CPLANE1: variants seen among roughly 807,000 people sequenced by gnomAD.
CPLANE1 encodes ciliogenesis and planar polarity effector complex subunit 1.
Under a neutral mutation model 362.5 loss-of-function variants are expected in CPLANE1, and 263 were observed. The observed-to-expected ratio is 0.73, with a 90% CI of 0.66 to 0.80. CPLANE1 has a LOEUF of 0.80. CPLANE1 is among the 30% of genes least tolerant of loss of function. The probability of loss-of-function intolerance (pLI) is 0.00; values close to 1 mark genes in which losing one functional copy is unlikely to be tolerated. For synonymous variants in CPLANE1, 1,212 were observed against 1,302.6 expected (o/e 0.93, Z 1.50); for missense variants, 3,461 against 3,793.4 (o/e 0.91, Z 2.30).
In CPLANE1 at chr5:37,121,700, T is replaced by G; in HGVS notation, c.9102A>C (p.Leu3034=). The change falls in exon 49 of 53, where the codon CTA becomes CTC. Residue 3034 remains leucine (L), a synonymous_variant. Transcript: ENST00000651892. Reference sequence around the variant, plus strand: ...GCAATGGTTTCTGTGGTAGAGTTGGTAGCTGTACTGACTCAGATAACAGTT... The same window carrying G: ...GCAATGGTTTCTGTGGTAGAGTTGGGAGCTGTACTGACTCAGATAACAGTT... ...MNELLSESVQ[L]PTLPQKPLPN... The G allele has an allele frequency of 6.2e-7, 1 of 1,613,968 alleles. No homozygotes were observed. Among genetic ancestry groups the G allele is most frequent in the Non-Finnish European group, 8.5e-7 (1 of 1,179,782 alleles).
intron 9 of CPLANE1, 74 bp downstream of exon 9, chr5:37,230,793 T>C (rs1291845890): frequency 1.9e-6 from 2 of 1,054,684 alleles, no homozygotes; most frequent in Non-Finnish European, 2.5e-6. Flanking sequence ...GAAATTTTTT[T>C]TGAATACACA....
In CPLANE1 at chr5:37,224,531, C is replaced by T. The variant is rs1796033726; in HGVS notation, c.2500+1G>A. The T allele has an allele frequency of 1.3e-6, 2 of 1,536,100 alleles. No individual in the cohort carries two copies. The highest frequency in any genetic ancestry group is 1.4e-5 in the African/African-American group (1 of 72,684). On this transcript the variant is annotated splice_donor_variant, in intron 13 of 52. Transcript: ENST00000651892. LOFTEE classifies it high-confidence loss of function. ...TTAGAAAATATTCATAAGATACTGA[C>T]CATTGATAGATTTAAGTTCTAAGGT...
chr5:37,125,755 G>T (rs965518805), intron 46 of CPLANE1, among the ~76,000 whole-genome samples: 1 of 151,962 alleles, frequency 6.6e-6, no homozygotes, highest in Non-Finnish European at 1.5e-5. Flanking sequence ...TATCTTAAAG[G>T]TTCTCCTTTT....
chr5:37,180,386 T>C (rs1290418960), intron 27 of CPLANE1, among the ~76,000 whole-genome samples: 1 of 152,088 alleles, frequency 6.6e-6, no homozygotes, highest in Non-Finnish European at 1.5e-5. Context: ...CTTTAAAAAA[T>C]TCTGATACAC....
At chr5:37,108,141 T>A in intron 52 of CPLANE1, 152 bp downstream of exon 52, 1 of 717,570 alleles carries the variant, frequency 1.4e-6, no homozygotes, top group Non-Finnish European at 2.3e-6. Flanking sequence ...AAAGGGAAGA[T>A]GCTTTGCATC....
At chr5:37,093,309 G>A in the CPLANE1 span, among the ~76,000 whole-genome samples, 2 of 152,170 alleles carry the variant, frequency 1.3e-5, no homozygotes, top group Non-Finnish European at 2.9e-5. Flanking sequence ...TTTAAAATAT[G>A]TGGGGGAGCC....
At position 37,180,106 on chromosome 5, in the gene CPLANE1, T is replaced by G; in HGVS notation, c.5648A>C (p.Lys1883Thr). Residue 1883 changes from lysine (K) to threonine (T), a missense_variant, in exon 28 of 53, where the codon AAA becomes ACA. Coordinates refer to ENST00000651892, the MANE Select transcript of CPLANE1 (RefSeq NM_001384732.1). ...DDIISITHNTKKEFIDIDENL... is the reference protein window; with the variant it reads ...DDIISITHNTTKEFIDIDENL... ...CTCATCAATATCTATAAATTCTTTT[T>G]TAGTATTATGAGTGATGGAAATAAT... The G allele has an allele frequency of 6.4e-7, 1 of 1,565,182 alleles. No individual in the cohort carries two copies. Among genetic ancestry groups the G allele is most frequent in the Non-Finnish European group, 8.7e-7 (1 of 1,153,712 alleles).
At chr5:37,177,025 T>C (rs1781367687) in intron 30 of CPLANE1, among the ~76,000 whole-genome samples, 1 of 152,186 alleles carries the variant, frequency 6.6e-6, no homozygotes, top group Non-Finnish European at 1.5e-5. Context: ...CCTAGAGTGC[T>C]GGGATTACAG....
chr5:37,245,771 CTTCT>C lies in CPLANE1; in HGVS notation c.152_155del (p.Lys51ArgfsTer10). The C allele has an allele frequency of 6.5e-7, 1 of 1,536,504 alleles. No homozygotes were observed. The highest frequency in any genetic ancestry group is 8.8e-7 in the Non-Finnish European group (1 of 1,142,266). Reference sequence around the variant, plus strand: ...AGAAAGGCTGCAGACTAGGAATTTTCTTCTTTATCTTTCCTGATAGCAAATTAAT... The same window carrying C: ...AGAAAGGCTGCAGACTAGGAATTTTCTTATCTTTCCTGATAGCAAATTAAT... On this transcript the variant is annotated frameshift_variant, in exon 3 of 53. Transcript: ENST00000651892.
chr5:37,248,299 T>C (rs1172392962), intron 1 of CPLANE1, among the ~76,000 whole-genome samples: 1 of 149,358 alleles, frequency 6.7e-6, no homozygotes, highest in Non-Finnish European at 1.5e-5. Flanking sequence ...GACTAATTTT[T>C]TTGTATTTTT....
chr5:37,154,459 CTTTTTT>C (rs35522666), intron 41 of CPLANE1, among the ~76,000 whole-genome samples: 1,214 of 84,598 alleles, frequency 0.014, 69 homozygotes, highest in African/African-American at 0.066. Context: ...TGCAATAGTT[CTTTTTT>C]TTTTTTTTTT....
chr5:37,234,244 T>G (rs1161742715), intron 8 of CPLANE1, among the ~76,000 whole-genome samples: 1 of 151,814 alleles, frequency 6.6e-6, no homozygotes, highest in South Asian at 2.1e-4. Flanking sequence ...CAATCAAAAA[T>G]AATTCCCCCA....
intron 37 of CPLANE1, among the ~76,000 whole-genome samples, chr5:37,163,141 T>C (rs1777312341): frequency 6.6e-6 from 1 of 152,180 alleles, no homozygotes; most frequent in Admixed American, 6.5e-5. Flanking sequence ...AGAAATGATA[T>C]GGTCAGATTC....
chr5:37,173,962 T>A lies in CPLANE1; in HGVS notation c.5979-15A>T, dbSNP rs1231373846. ...AAATCTGTGCACTGCGTGGAAAGCATTTAAATAAAAAACATGCATTAAAAT... is the reference window on the plus strand; with the variant it reads ...AAATCTGTGCACTGCGTGGAAAGCAATTAAATAAAAAACATGCATTAAAAT... On this transcript the variant is annotated splice_polypyrimidine_tract_variant and intron_variant, in intron 31 of 52. Transcript: ENST00000651892. 2 of 1,596,854 alleles carry A rather than the reference T, an allele frequency of 1.3e-6. No homozygotes were observed. Among genetic ancestry groups the A allele is most frequent in the Admixed American group, 1.7e-5 (1 of 57,810 alleles).
intron 24 of CPLANE1, among the ~76,000 whole-genome samples, chr5:37,186,027 C>G (rs1284888863): frequency 6.6e-6 from 1 of 152,152 alleles, no homozygotes; most frequent in Admixed American, 6.6e-5. Flanking sequence ...ATATGAGGCT[C>G]AGAGAGACTG....
chr5:37,221,804 AC>A (rs1392451087), intron 14 of CPLANE1, among the ~76,000 whole-genome samples: 5 of 151,878 alleles, frequency 3.3e-5, no homozygotes, highest in Non-Finnish European at 7.4e-5. Context: ...TTTTTAGCAT[AC>A]TTTGCTCTTT....
rs775652771 is a variant in CPLANE1 at position 37,224,717 on chromosome 5, A to C, written c.2315T>G (p.Leu772Arg). ...TTGATACCATAAAGTTTTTTTGTAC[A>C]GTATTCTCCAGAGAATAAGCAATCT... ...GHRLLILWRI[L>R]YKKTLWYQAQ... The change falls in exon 13 of 53, where the codon CTG becomes CGG. Residue 772 changes from leucine (L) to arginine (R), a missense_variant. Leu to Arg is a moderately radical substitution (Grantham distance 102). This residue lies in a region of CPLANE1 where 3,380 missense variants were observed against 3,666.1 expected (regional missense o/e 0.92). Transcript: ENST00000651892. The C allele has an allele frequency of 7.7e-6, 12 of 1,550,562 alleles. No individual in the cohort carries two copies. The highest frequency in any genetic ancestry group is 1.0e-5 in the Non-Finnish European group (12 of 1,146,346).
intron 15 of CPLANE1, among the ~76,000 whole-genome samples, chr5:37,214,607 A>G (rs964697285): frequency 2.0e-5 from 3 of 152,240 alleles, no homozygotes; most frequent in African/African-American, 7.2e-5. Context: ...TGTAGTTCCT[A>G]CTGTACTACT....
At chr5:37,076,410 C>T in the CPLANE1 span, among the ~76,000 whole-genome samples, 1 of 151,954 alleles carries the variant, frequency 6.6e-6, no homozygotes, top group Non-Finnish European at 1.5e-5. Context: ...CTCCCAGATT[C>T]AAGTGATTCT....
Sources: gnomAD v4.1 joint callset for allele counts (sites outside exome capture counted in the v4.1 genomes callset) on GRCh38, gnomAD v4.1.1 for gene constraint, gnomAD v4.1.1 regional missense constraint, MANE v1.5 for transcripts, NCBI Gene and HGNC (gene_info 2026-07-23, HGNC 2026-07-21) for gene names.